ZNF518B: variants seen among roughly 807,000 people sequenced by gnomAD.
The protein encoded by ZNF518B is zinc finger protein 518B.
A neutral mutation model predicts 56.3 loss-of-function variants in ZNF518B; 23 were observed. That is an observed-to-expected ratio of 0.41 (90% CI 0.29 to 0.58). The LOEUF (loss-of-function observed/expected upper bound fraction) is 0.58, where lower values mean the gene tolerates loss of function less well. ZNF518B is among the 20% of genes least tolerant of loss of function. The probability of loss-of-function intolerance (pLI) is 0.32; values close to 1 mark genes in which losing one functional copy is unlikely to be tolerated. For missense variants in ZNF518B, 1,460 were observed against 1,272.1 expected (o/e 1.15, Z -2.25); for synonymous variants, 529 against 465.9 (o/e 1.14, Z -1.74).
chr4:10,447,505 G>A (rs758822959), intron 2 of ZNF518B, among the ~76,000 whole-genome samples: 11 of 152,148 alleles, frequency 7.2e-5, no homozygotes, highest in Non-Finnish European at 1.6e-4. Flanking sequence ...CATGTTCTAG[G>A]AAAGACAATA....
upstream of ZNF518B, among the ~76,000 whole-genome samples, chr4:10,458,805 C>G (rs1056290815): frequency 6.6e-6 from 1 of 152,160 alleles, no homozygotes; most frequent in Non-Finnish European, 1.5e-5. Context: ...AAACTAGGAG[C>G]CACTGCCTGA....
At position 10,444,508 on chromosome 4, in the gene ZNF518B, T is replaced by G; in HGVS notation, c.1821A>C (p.Arg607Ser). The G allele has an allele frequency of 4.3e-6, 7 of 1,614,150 alleles. No homozygotes were observed. Among genetic ancestry groups the G allele is most frequent in the Non-Finnish European group, 5.1e-6 (6 of 1,180,034 alleles). The change falls in exon 3 of 3, where the codon AGA (arginine) becomes AGC (serine). Residue 607 changes from arginine (R) to serine (S), a missense_variant. Arg to Ser is a moderately radical substitution (Grantham distance 110, BLOSUM62 -1). Transcript: ENST00000326756. ...AAGGCTTATCCCCAGGCTGTTGAGATCTATCTTCTCCAGTTATGTTTATAT... is the reference window on the plus strand; with the variant it reads ...AAGGCTTATCCCCAGGCTGTTGAGAGCTATCTTCTCCAGTTATGTTTATAT... ...YLHINITGED[R>S]SQQPGDKPLE...
At chr4:10,452,173 A>T (rs1162609538) in intron 2 of ZNF518B, 1 of 152,202 alleles carries the variant, frequency 6.6e-6, no homozygotes, top group Non-Finnish European at 1.5e-5. Context: ...CATGAAGATC[A>T]CATGAAATGG....
rs765230872 is a variant in ZNF518B at position 10,444,295 on chromosome 4, C to A, written c.2034G>T (p.Lys678Asn). The A allele has an allele frequency of 8.8e-5, 142 of 1,614,104 alleles. No individual in the cohort carries two copies. Among genetic ancestry groups the A allele is most frequent in the Non-Finnish European group, 1.2e-4 (141 of 1,180,038 alleles). ...CACTATTTGAAGCCAAAGATGACGG[C>A]TTCCCACAGGACTCAATTAACTGAG... ...KIAQLIESCG[K>N]PSSLASNSAH... Residue 678 changes from lysine to asparagine, a missense_variant, in exon 3 of 3, where the codon AAG (lysine) becomes AAT (asparagine). By Grantham distance (94) the Lys-to-Asn change is moderately conservative. Coordinates refer to ENST00000326756, the MANE Select transcript of ZNF518B (RefSeq NM_053042.3).
chr4:10,456,993 A>C (rs1715566993), intron 1 of ZNF518B: 1 of 149,856 alleles, frequency 6.7e-6, no homozygotes, highest in African/African-American at 2.4e-5. Context: ...CGCGGCGCAC[A>C]AAGGCGAGCT....
rs1714682562 is a variant in ZNF518B at position 10,441,560 on chromosome 4, G to A, written c.*1544C>T. 1 of 152,626 alleles carries A rather than the reference G, an allele frequency of 6.6e-6. No individual in the cohort carries two copies. 9.5% of individuals were successfully genotyped at this position (152,626 alleles called of 1,614,324 possible). A position where few individuals can be genotyped will look rare whatever the true frequency, so the allele number is the denominator to read the frequency against. On this transcript the variant is annotated 3_prime_UTR_variant, in exon 3 of 3. Transcript: ENST00000326756. The stretch of plus-strand genomic sequence containing the variant: ...TGCACCCCACAAATCGCCTAAGACA[G>A]GAATAGCCCCTGGAGGGAGGGAAAT...
rs903238453 is a variant in ZNF518B, at chr4:10,457,376, A to C, written c.-455T>G. 6.6e-6 allele frequency: 1 copy of C among 151,840 alleles called. No homozygotes were observed. Among genetic ancestry groups the C allele is most frequent in the Non-Finnish European group, 1.5e-5 (1 of 67,928 alleles). 9.4% of individuals were successfully genotyped at this position (151,840 alleles called of 1,614,324 possible). Reference sequence around the variant, plus strand: ...AAGGGGCGTCTACACCGCCGGCCGCAGACCGCCGGCGCCGCGCCCGCTGTA... The same window carrying C: ...AAGGGGCGTCTACACCGCCGGCCGCCGACCGCCGGCGCCGCGCCCGCTGTA... On this transcript the variant is annotated 5_prime_UTR_variant, in exon 1 of 3. Transcript: ENST00000326756.
rs1714865670 is a variant in ZNF518B, at chr4:10,444,405, C to T, written c.1924G>A (p.Gly642Arg). The change falls in exon 3 of 3, where the codon GGA becomes AGA. Residue 642 changes from glycine to arginine, a missense_variant. Gly to Arg is a moderately radical substitution (Grantham distance 125, BLOSUM62 -2). Coordinates refer to ENST00000326756, the MANE Select transcript of ZNF518B (RefSeq NM_053042.3). ...ATGCCCTCGGGGACATTTTCAGATCCAGAGCTCAGAGAAAATACTGATGAG... is the reference window on the plus strand; with the variant it reads ...ATGCCCTCGGGGACATTTTCAGATCTAGAGCTCAGAGAAAATACTGATGAG... ...VISSVFSLSS[G>R]SENVPEGIKW... is the part of the protein sequence containing the mutation. The T allele has an allele frequency of 1.2e-6, 2 of 1,614,138 alleles. No individual in the cohort carries two copies. Among genetic ancestry groups the T allele is most frequent in the Non-Finnish European group, 1.7e-6 (2 of 1,180,018 alleles).
upstream of ZNF518B, among the ~76,000 whole-genome samples, chr4:10,460,592 G>A (rs1715717569): frequency 6.6e-6 from 1 of 152,182 alleles, no homozygotes; most frequent in Non-Finnish European, 1.5e-5. Context: ...GAAAAGGAAA[G>A]GCAGTGTGGA....
chr4:10,456,503 C>T (rs1715533364), intron 1 of ZNF518B, among the ~76,000 whole-genome samples: 1 of 152,178 alleles, frequency 6.6e-6, no homozygotes, highest in Non-Finnish European at 1.5e-5. Flanking sequence ...CCTCCTATGT[C>T]CTCGCCCCCC....
At chr4:10,447,519 C>T (rs1407312924) in intron 2 of ZNF518B, among the ~76,000 whole-genome samples, 1 of 152,022 alleles carries the variant, frequency 6.6e-6, no homozygotes, top group Non-Finnish European at 1.5e-5. Flanking sequence ...GACAATAACC[C>T]AGTATTGTAC....
rs1337961186 is a variant in ZNF518B, at chr4:10,444,244, T to A, written c.2085A>T (p.Ala695=). Residue 695 remains alanine (A), a synonymous_variant, in exon 3 of 3, where the codon GCA becomes GCT. Coordinates refer to ENST00000326756, the MANE Select transcript of ZNF518B (RefSeq NM_053042.3). ...NSAHRRSVGQ[A]SKGTSKATSE... ...AGGTAGCTTTTGAAGTTCCCTTTGATGCCTGCCCTACAGAGCGACGATGTG... is the reference window on the plus strand; with the variant it reads ...AGGTAGCTTTTGAAGTTCCCTTTGAAGCCTGCCCTACAGAGCGACGATGTG... 6.2e-7 allele frequency: 1 copy of A among 1,614,250 alleles called. No homozygotes were observed.
In ZNF518B at chr4:10,446,239, A is replaced by C. The variant is rs1158536887; in HGVS notation, c.90T>G (p.Asn30Lys). The C allele has an allele frequency of 6.2e-7, 1 of 1,614,220 alleles. No homozygotes were observed. Among genetic ancestry groups the C allele is most frequent in the East Asian group, 2.2e-5 (1 of 44,886 alleles). ...CTTGTCTATTTGGCCGAGGTGCTCC[A>C]TTAGCATCAGGCTGTTTGGGTGACA... is the stretch of plus-strand genomic sequence containing the variant. ...LTMSPKQPDA[N>K]GAPRPNRQEA... is the part of the protein sequence containing the mutation. The change falls in exon 3 of 3, where the codon AAT becomes AAG. Residue 30 changes from asparagine to lysine, a missense_variant. Coordinates refer to ENST00000326756, the MANE Select transcript of ZNF518B (RefSeq NM_053042.3).
In ZNF518B at chr4:10,442,912, G is replaced by C; in HGVS notation, c.*192C>G. 1 of 555,392 alleles carries C rather than the reference G, an allele frequency of 1.8e-6. No homozygotes were observed. The allele number at this position is 555,392 out of a possible 1,614,324, so 34.4% of individuals were successfully genotyped here. ...ACCAATTTGCATGTACAATTTCAGA[G>C]CCTTCAAATACATTCTGGGGTCCAA... On this transcript the variant is annotated 3_prime_UTR_variant, in exon 3 of 3. Transcript: ENST00000326756.
chr4:10,446,133 C>T lies in ZNF518B; in HGVS notation c.196G>A (p.Val66Ile), dbSNP rs1395798879. 1 of 1,614,214 alleles carries T rather than the reference C, an allele frequency of 6.2e-7. No homozygotes were observed. Among genetic ancestry groups the T allele is most frequent in the South Asian group, 1.1e-5 (1 of 91,086 alleles). Residue 66 changes from valine (V) to isoleucine (I), a missense_variant, in exon 3 of 3, where the codon GTT (valine) becomes ATT (isoleucine). Physicochemically the swap from Val to Ile is conservative, Grantham distance 29 (BLOSUM62 3). Coordinates refer to ENST00000326756, the MANE Select transcript of ZNF518B (RefSeq NM_053042.3). ...TIATCAKCKS[V>I]HKISLQDLQK... The stretch of plus-strand genomic sequence containing the variant: ...AAATCTTGAAGAGAGATCTTGTGAA[C>T]ACTTTTGCACTTTGCACATGTAGCA...
At position 10,444,945 on chromosome 4, in the gene ZNF518B, C is replaced by A; in HGVS notation, c.1384G>T (p.Asp462Tyr). The change falls in exon 3 of 3, where the codon GAT (aspartate) becomes TAT (tyrosine). Residue 462 changes from aspartate (D) to tyrosine (Y), a missense_variant. Coordinates refer to ENST00000326756, the MANE Select transcript of ZNF518B (RefSeq NM_053042.3). ...KSFINSETIE[D>Y]FQKKNNLYPH... ...TACAAATTATTTTTTTTCTGAAAATCCTCAATTGTTTCCGAATTAATGAAG... is the reference window on the plus strand; with the variant it reads ...TACAAATTATTTTTTTTCTGAAAATACTCAATTGTTTCCGAATTAATGAAG... 1 of 1,610,628 alleles carries A rather than the reference C, an allele frequency of 6.2e-7. No individual in the cohort carries two copies. The highest frequency in any genetic ancestry group is 8.5e-7 in the Non-Finnish European group (1 of 1,179,102).
upstream of ZNF518B, among the ~76,000 whole-genome samples, chr4:10,460,489 T>C (rs1480613603): frequency 6.6e-6 from 1 of 151,912 alleles, no homozygotes; most frequent in Non-Finnish European, 1.5e-5. Context: ...GGAGATGAGC[T>C]GTAAGCCACG....
rs552197447 is a variant in ZNF518B, at chr4:10,454,277, C to A, written c.-212+528G>T. On this transcript the variant is annotated intron_variant, in intron 2 of 2. Transcript: ENST00000326756. ...ACCTTGGAAACACCAATGATGCTCT[C>A]TGTAAGATGTATAATGAGGTATCTA... 3 of 152,326 alleles carry A rather than the reference C, an allele frequency of 2.0e-5. 1 individual carries two copies. In the South Asian group the frequency reaches 6.2e-4, roughly 32 times the overall value. The allele number at this position is 152,326 out of a possible 1,614,324, so 9.4% of individuals were successfully genotyped here. A position where few individuals can be genotyped will look rare whatever the true frequency, so the allele number is the denominator to read the frequency against.
chr4:10,448,168 G>A (rs1027059089), intron 2 of ZNF518B, among the ~76,000 whole-genome samples: 1 of 152,186 alleles, frequency 6.6e-6, no homozygotes, highest in Non-Finnish European at 1.5e-5. Context: ...TGATTAGAAT[G>A]CTAGAGTATA....
Sources: gnomAD v4.1 joint callset for allele counts (sites outside exome capture counted in the v4.1 genomes callset) on GRCh38, gnomAD v4.1.1 for gene constraint, MANE v1.5 for transcripts, NCBI Gene and HGNC (gene_info 2026-07-23, HGNC 2026-07-21) for gene names.